The following ZNF726 variants were observed in gnomAD, a reference collection of about 807,000 sequenced individuals.
ZNF726 encodes the protein zinc finger protein 726, also known as zinc finger protein 92 pseudogene 3.
In ZNF726, 15 loss-of-function variants were observed where a neutral mutation model predicts 11.6. The observed-to-expected ratio is 1.29, with a 90% CI of 0.86 to 1.99. The LOEUF is 1.99. ZNF726 is among the 30% of genes most tolerant of loss of function. The probability of loss-of-function intolerance (pLI) is 0.00; values close to 1 mark genes in which losing one functional copy is unlikely to be tolerated. For synonymous variants in ZNF726, 295 were observed against 243.6 expected, an observed-to-expected ratio of 1.21 and a Z score of -1.96; for missense variants, 890 against 725.6, an observed-to-expected ratio of 1.23 and a Z score of -2.60.
intron 3 of ZNF726, among the ~76,000 whole-genome samples, chr19:23,939,862 A>ATTTTTT (rs374902806): frequency 0.11 from 9,766 of 86,540 alleles, 905 homozygotes; most frequent in East Asian, 0.17. Flanking sequence ...TTTTGATGGG[A>ATTTTTT]TTTTTTTTTT....
chr19:23,938,186 C>G (rs1968278086), downstream of ZNF726, among the ~76,000 whole-genome samples: 1 of 151,948 alleles, frequency 6.6e-6, no homozygotes, highest in African/African-American at 2.4e-5. Context: ...AAATTTTATT[C>G]TTATTTTTAC....
At chr19:23,943,767 T>A (rs1344826544) in intron 4 of ZNF726, 2 of 419,166 alleles carry the variant, frequency 4.8e-6, no homozygotes, top group Non-Finnish European at 8.6e-6. Flanking sequence ...CTTAAATTAT[T>A]TCTAAGGACT....
chr19:23,942,534 T>A (rs1177518113), intron 3 of ZNF726, among the ~76,000 whole-genome samples: 1 of 152,192 alleles, frequency 6.6e-6, no homozygotes, highest in Non-Finnish European at 1.5e-5. Context: ...GTCTTAATGA[T>A]CTGTCTAGTG....
Position 23,933,662 on chromosome 19 carries a change from A to G in ZNF726, c.1546A>G (p.Lys516Glu). 6.2e-7 allele frequency: 1 copy of G among 1,612,628 alleles called. No individual in the cohort carries two copies. Among genetic ancestry groups the G allele is most frequent in the Non-Finnish European group, 8.5e-7 (1 of 1,180,004 alleles). ...ACCCTACAAATGTGAAGAATGTGGCAAAGCATTTATATTGTCCTCGACCCT... is the reference window on the plus strand; with the variant it reads ...ACCCTACAAATGTGAAGAATGTGGCGAAGCATTTATATTGTCCTCGACCCT... ...EKPYKCEECG[K>E]AFILSSTLSK... is the part of the protein sequence containing the mutation. The change falls in exon 4 of 4, where the codon AAA becomes GAA. Residue 516 changes from lysine (K) to glutamate (E), a missense_variant. Lys to Glu is a moderately conservative substitution (Grantham distance 56). Transcript: ENST00000594466.
intron 1 of ZNF726, among the ~76,000 whole-genome samples, chr19:23,917,438 G>A (rs1269611832): frequency 6.6e-6 from 1 of 151,424 alleles, no homozygotes; most frequent in East Asian, 1.9e-4. Context: ...ATGGCTGAGT[G>A]ATTTCATACA....
At chr19:23,926,585 A>AAAAGTTATCTTCCTATGTCTAATG (rs1967994474) in intron 3 of ZNF726, among the ~76,000 whole-genome samples, 1 of 152,040 alleles carries the variant, frequency 6.6e-6, no homozygotes, top group Non-Finnish European at 1.5e-5. Context: ...AAAAAAAAAA[A>AAAAGTTATCTTCCTATGTCTAATG]AAAAGTTATC....
chr19:23,942,971 C>T (rs1968361593), intron 3 of ZNF726, among the ~76,000 whole-genome samples: 1 of 152,050 alleles, frequency 6.6e-6, no homozygotes, highest in Non-Finnish European at 1.5e-5. Flanking sequence ...ATGTGATGTA[C>T]AATTACATTC....
At chr19:23,915,692 T>A (rs1435918344) in intron 1 of ZNF726, among the ~76,000 whole-genome samples, 1 of 152,106 alleles carries the variant, frequency 6.6e-6, no homozygotes, top group Non-Finnish European at 1.5e-5. Flanking sequence ...GCGATTTTTC[T>A]GCCTCAGCCT....
intron 1 of ZNF726, chr19:23,919,013 G>A: frequency 1.4e-5 from 3 of 209,210 alleles, no homozygotes; most frequent in Non-Finnish European, 2.9e-5. Context: ...AACTCAACAT[G>A]TTTATTTTGT....
At chr19:23,939,862 A>ATTTTTTTTTTTTTTTTTTTTTT (rs374902806) in intron 3 of ZNF726, among the ~76,000 whole-genome samples, 4 of 87,154 alleles carry the variant, frequency 4.6e-5, no homozygotes, top group Non-Finnish European at 6.7e-5. Context: ...TTTTGATGGG[A>ATTTTTTTTTTTTTTTTTTTTTT]TTTTTTTTTT....
At chr19:23,931,940 C>T (rs147991533) in intron 3 of ZNF726, among the ~76,000 whole-genome samples, 2 of 152,122 alleles carry the variant, frequency 1.3e-5, no homozygotes, top group African/African-American at 4.8e-5. Flanking sequence ...AAAAAAGCCC[C>T]TAAAAGCCAG....
intron 1 of ZNF726, among the ~76,000 whole-genome samples, chr19:23,915,711 G>T (rs1409172161): frequency 6.6e-6 from 1 of 151,930 alleles, no homozygotes; most frequent in African/African-American, 2.4e-5. Flanking sequence ...CTCCCTAGTA[G>T]TTGGGACTAC....
At chr19:23,938,611 CTT>C (rs35605431), downstream of ZNF726, among the ~76,000 whole-genome samples, 25 of 129,360 alleles carry the variant, frequency 1.9e-4, no homozygotes, top group Admixed American at 3.1e-4. Context: ...TTTTTTTTTC[CTT>C]TTTTTTTTTT....
In ZNF726 at chr19:23,932,472, G is replaced by A; in HGVS notation, c.356G>A (p.Ser119Asn). 2 of 1,585,918 alleles carry A rather than the reference G, an allele frequency of 1.3e-6. No homozygotes were observed. Among genetic ancestry groups the A allele is most frequent in the Non-Finnish European group, 1.7e-6 (2 of 1,169,682 alleles). ...TTACAGTTAAGAAAAGGTTGTAAAA[G>A]TGTGGATGAGTGTAAGGTACACAAA... ...ENLQLRKGCK[S>N]VDECKVHKEG... The change falls in exon 4 of 4, where the codon AGT becomes AAT. Residue 119 changes from serine (S) to asparagine (N), a missense_variant. Transcript: ENST00000594466.
At chr19:23,937,091 C>T (rs996950865), downstream of ZNF726, among the ~76,000 whole-genome samples, 3 of 93,384 alleles carry the variant, frequency 3.2e-5, no homozygotes, top group Non-Finnish European at 4.9e-5. Context: ...GGGGGGCTGA[C>T]CCCCCCCACC....
At chr19:23,925,713 C>CTTTTTT (rs1207103965) in intron 3 of ZNF726, among the ~76,000 whole-genome samples, 47 of 112,526 alleles carry the variant, frequency 4.2e-4, no homozygotes, top group Non-Finnish European at 6.4e-4. Flanking sequence ...TTTTTCTTTT[C>CTTTTTT]TTTTTTTTTT....
In ZNF726 at chr19:23,914,957, C is replaced by T. The variant is rs993474067; in HGVS notation, c.-38C>T. 4.3e-6 allele frequency: 7 copies of T among 1,613,276 alleles called. No homozygotes were observed. Among genetic ancestry groups the T allele is most frequent in the Admixed American group, 1.7e-5 (1 of 60,002 alleles). On this transcript the variant is annotated 5_prime_UTR_variant, in exon 1 of 4. Transcript: ENST00000594466. ...TGTCTTCTGCTTTTAGGGGCGCAGC[C>T]TCTGTGGCCCTGTGACCTGCCCCCT...
chr19:23,935,263 A>G (rs368640107), downstream of ZNF726: 3 of 478,844 alleles, frequency 6.3e-6, no homozygotes, highest in East Asian at 1.9e-4. Context: ...TTTATTAAAC[A>G]TAAGGTAATT....
downstream of ZNF726, chr19:23,935,349 A>G (rs1432264698): frequency 7.6e-6 from 4 of 528,694 alleles, no homozygotes; most frequent in Non-Finnish European, 1.5e-5. Context: ...AACTAGACAT[A>G]AGAAAATTCA....
Sources: allele counts gnomAD v4.1 joint callset (sites outside exome capture counted in the v4.1 genomes callset), GRCh38; gene constraint gnomAD v4.1.1; transcripts MANE v1.5; gene names NCBI Gene and HGNC (gene_info 2026-07-23, HGNC 2026-07-21).